ELF1: variants seen among roughly 807,000 people sequenced by gnomAD.
The protein encoded by ELF1 is ETS-related transcription factor Elf-1.
Under a neutral mutation model 59.9 loss-of-function variants are expected in ELF1, and 24 were observed. The ratio of observed to expected loss-of-function variants is 0.40; its 90% CI spans 0.29 to 0.56. The LOEUF (loss-of-function observed/expected upper bound fraction) is 0.56. ELF1 is among the 20% of genes least tolerant of loss of function. The pLI, the probability that ELF1 is intolerant of heterozygous loss-of-function variation, is 0.44. For missense variants in ELF1, 627 were observed against 742.2 expected (o/e 0.84, Z 1.80); for synonymous variants, 248 against 266.2 (o/e 0.93, Z 0.67).
In ELF1 at chr13:40,933,961, T is replaced by A. The variant is rs752471658; in HGVS notation, c.1324A>T (p.Thr442Ser). 5 of 1,614,228 alleles carry A rather than the reference T, an allele frequency of 3.1e-6. No individual in the cohort carries two copies. The Admixed American group carries it at 8.3e-5, about 27-fold the overall frequency. ...GTTGTGAGTGGCACTGTTTGGAGTGTTACTGTATGCAACTGCTGATTCCTA... is the reference window on the plus strand; with the variant it reads ...GTTGTGAGTGGCACTGTTTGGAGTGATACTGTATGCAACTGCTGATTCCTA... ...SPRNQQLHTV[T>S]LQTVPLTTVI... is the part of the protein sequence containing the mutation. The change falls in exon 9 of 9, where the codon ACA (threonine) becomes TCA (serine). Residue 442 changes from threonine to serine, a missense_variant. Thr to Ser is a moderately conservative substitution (Grantham distance 58, BLOSUM62 1). Coordinates refer to ENST00000239882, the MANE Select transcript of ELF1 (RefSeq NM_172373.4).
At chr13:41,016,700 A>C (rs949526313) in intron 1 of ELF1, among the ~76,000 whole-genome samples, 2 of 151,602 alleles carry the variant, frequency 1.3e-5, no homozygotes, top group African/African-American at 4.8e-5. Flanking sequence ...GGATCACCCA[A>C]GGTCGGGAGT....
At chr13:41,016,715 G>C (rs1380606773) in intron 1 of ELF1, among the ~76,000 whole-genome samples, 2 of 151,250 alleles carry the variant, frequency 1.3e-5, no homozygotes, top group Non-Finnish European at 1.5e-5. Flanking sequence ...GGGAGTTCAG[G>C]ACCAGCCTAA....
At chr13:40,949,423 C>T (rs918941587) in intron 5 of ELF1, among the ~76,000 whole-genome samples, 1 of 152,012 alleles carries the variant, frequency 6.6e-6, no homozygotes, top group South Asian at 2.1e-4. Context: ...AGTGGCATGA[C>T]CTTAGCTCGC....
At position 40,932,932 on chromosome 13, in the gene ELF1, A is replaced by G. The variant is rs936377076; in HGVS notation, c.*493T>C. 5 of 158,288 alleles carry G rather than the reference A, an allele frequency of 3.2e-5. No homozygotes were observed. Among genetic ancestry groups the G allele is most frequent in the Admixed American group, 3.1e-4 (5 of 15,942 alleles). The allele number at this position is 158,288 out of a possible 1,614,324, so 9.8% of individuals were successfully genotyped here. On this transcript the variant is annotated 3_prime_UTR_variant, in exon 9 of 9. Transcript: ENST00000239882. ...TTATTCTACATATTCATAGTTCTATATTATATAGTGCAGTCAACTAAAGTC... is the reference window on the plus strand; with the variant it reads ...TTATTCTACATATTCATAGTTCTATGTTATATAGTGCAGTCAACTAAAGTC...
chr13:40,997,179 T>C lies in ELF1; in HGVS notation c.-228-14897A>G, dbSNP rs1874167272. Among the ~76,000 whole-genome samples, 7 of 152,354 alleles carry C rather than the reference T, an allele frequency of 4.6e-5. No homozygotes were observed. The South Asian group carries it at 1.5e-3, about 32-fold the overall frequency. The stretch of plus-strand genomic sequence containing the variant: ...ATGATTCCTTGTGCACAAAACTTCC[T>C]GCTCCCTGTGTGAGTGAAAAAAAAC... On this transcript the variant is annotated intron_variant, in intron 1 of 8. Transcript: ENST00000239882.
At chr13:41,041,808 T>A (rs7981169) in intron 1 of ELF1, among the ~76,000 whole-genome samples, 1 of 151,974 alleles carries the variant, frequency 6.6e-6, no homozygotes, top group African/African-American at 2.4e-5. Context: ...TTAGGTGGAC[T>A]CAAGATTCTC....
intron 1 of ELF1, among the ~76,000 whole-genome samples, chr13:41,025,839 T>A (rs1417127372): frequency 6.6e-6 from 1 of 152,220 alleles, no homozygotes. Flanking sequence ...CTGTACCAGA[T>A]GTGAGCTCAT....
chr13:40,998,055 G>A (rs1473687331), intron 1 of ELF1, among the ~76,000 whole-genome samples: 7 of 152,156 alleles, frequency 4.6e-5, no homozygotes, highest in Admixed American at 1.3e-4. Flanking sequence ...GTTGAGGCGG[G>A]AGGATCACTT....
chr13:40,980,928 A>C (rs1049322799), intron 2 of ELF1, among the ~76,000 whole-genome samples: 5 of 152,160 alleles, frequency 3.3e-5, no homozygotes, highest in African/African-American at 4.8e-5. Flanking sequence ...CCTGCTGTTA[A>C]GGCAACTTAA....
At chr13:41,050,245 T>G (rs1031962924) in intron 1 of ELF1, among the ~76,000 whole-genome samples, 1 of 152,188 alleles carries the variant, frequency 6.6e-6, no homozygotes, top group Non-Finnish European at 1.5e-5. Flanking sequence ...GTACCTCATA[T>G]AAGGTGAATC....
chr13:41,055,036 T>C (rs989310279), intron 1 of ELF1, among the ~76,000 whole-genome samples: 22 of 152,190 alleles, frequency 1.4e-4, no homozygotes, highest in African/African-American at 5.3e-4. Flanking sequence ...TTCTGAATGT[T>C]TACCAGGTGC....
intron 1 of ELF1, among the ~76,000 whole-genome samples, chr13:41,010,388 C>G (rs1874985906): frequency 1.3e-5 from 2 of 151,404 alleles, no homozygotes; most frequent in African/African-American, 4.9e-5. Context: ...GAGTTTGAGG[C>G]TGCAGCAAGC....
intron 2 of ELF1, among the ~76,000 whole-genome samples, chr13:40,971,186 A>G (rs1220132080): frequency 6.6e-6 from 1 of 152,196 alleles, no homozygotes; most frequent in African/African-American, 2.4e-5. Context: ...TAAAAAATGT[A>G]TATTATATAT....
Position 40,949,973 on chromosome 13 carries a change from T to C in ELF1, c.362A>G (p.Asn121Ser). Residue 121 changes from asparagine to serine, a missense_variant and splice_region_variant, in exon 5 of 9, where the codon AAT becomes AGT. Asn to Ser is a conservative substitution (Grantham distance 46). Coordinates refer to ENST00000239882, the MANE Select transcript of ELF1 (RefSeq NM_172373.4). Reference sequence around the variant, plus strand: ...TTCAGGTGAACTAAATATATTATTATCTAATGAAAATAAAATCAACTAATT... The same window carrying C: ...TTCAGGTGAACTAAATATATTATTACCTAATGAAAATAAAATCAACTAATT... ...PGPMLDEKRI[N>S]NNIFSSPEDD... 6.2e-7 allele frequency: 1 copy of C among 1,602,448 alleles called. No homozygotes were observed. Among genetic ancestry groups the C allele is most frequent in the Non-Finnish European group, 8.5e-7 (1 of 1,175,132 alleles).
chr13:40,981,972 G>GA lies in ELF1; in HGVS notation c.72+10dup. On this transcript the variant is annotated intron_variant, in intron 2 of 8. Transcript: ENST00000239882. ...AAGTCATTAAAATGAAATTTTCTCT[G>GA]AATCTCATACCTGTCGTTCATCCTC... 1 of 1,596,720 alleles carries GA rather than the reference G, an allele frequency of 6.3e-7. No homozygotes were observed. Among genetic ancestry groups the GA allele is most frequent in the African/African-American group, 1.3e-5 (1 of 74,236 alleles).
intron 1 of ELF1, among the ~76,000 whole-genome samples, chr13:41,014,917 C>G (rs941504126): frequency 6.6e-6 from 1 of 151,854 alleles, no homozygotes; most frequent in South Asian, 2.1e-4. Flanking sequence ...CCAAGCATTA[C>G]AGGGTTAAAA....
chr13:41,044,468 T>A (rs1322993941), intron 1 of ELF1, among the ~76,000 whole-genome samples: 3 of 152,256 alleles, frequency 2.0e-5, no homozygotes, highest in Admixed American at 6.5e-5. Flanking sequence ...ATACGTCCCA[T>A]CAATACAGAA....
In ELF1 at chr13:40,979,781, A is replaced by G. The variant is rs1217901779; in HGVS notation, c.72+2202T>C. ...TTCATTTGTTCAGACATTTTTCTAA[A>G]AAAATTACACACAAAATATTAATAC... On this transcript the variant is annotated intron_variant, in intron 2 of 8. Transcript: ENST00000239882. 2.0e-5 allele frequency among the ~76,000 whole-genome samples: 3 copies of G among 152,336 alleles called. No individual in the cohort carries two copies. In the East Asian group the frequency reaches 5.8e-4, roughly 29 times the overall value.
chr13:40,935,610 G>T (rs1002228989), intron 8 of ELF1, among the ~76,000 whole-genome samples: 2 of 151,862 alleles, frequency 1.3e-5, no homozygotes, highest in African/African-American at 4.8e-5. Context: ...TTGCCCATTT[G>T]ATTCAGGGAA....
Sources: gnomAD v4.1 joint callset for allele counts (sites outside exome capture counted in the v4.1 genomes callset) on GRCh38, gnomAD v4.1.1 for gene constraint, MANE v1.5 for transcripts, NCBI Gene and HGNC (gene_info 2026-07-23, HGNC 2026-07-21) for gene names.